ADGRL4: variants seen among roughly 807,000 people sequenced by gnomAD.
ADGRL4 encodes adhesion G protein-coupled receptor L4.
Under a neutral mutation model 74.8 loss-of-function variants are expected in ADGRL4, and 90 were observed. The observed-to-expected ratio is 1.20, with a 90% CI of 1.02 to 1.43. The LOEUF (loss-of-function observed/expected upper bound fraction) is 1.43, where lower values mean the gene tolerates loss of function less well. Ranked by LOEUF, ADGRL4 falls within the 40% of genes most tolerant of loss-of-function variation. ADGRL4 has a pLI of 0.00. For synonymous variants in ADGRL4, 311 were observed against 279.2 expected, an observed-to-expected ratio of 1.11 and a Z score of -1.14; for missense variants, 881 against 814.3, an observed-to-expected ratio of 1.08 and a Z score of -1.00.
chr1:78,945,177 A>AAAAAAAATAT lies in ADGRL4; in HGVS notation c.325+1096_325+1097insATATTTTTTT, dbSNP rs376405445. ...GAGACTCTGTCTCAAAAAAAAAAAA[A>AAAAAAAATAT]ATATATATATATATATATATCTCAA... On this transcript the variant is annotated intron_variant, in intron 3 of 14. Transcript: ENST00000370742. 7.3e-4 allele frequency among the ~76,000 whole-genome samples: 94 copies of AAAAAAAATAT among 127,934 alleles called. 1 individual carries two copies. The highest frequency in any genetic ancestry group is 2.7e-3 in the African/African-American group (91 of 34,148). The allele number at this position is 127,934 out of a possible 152,430, so 83.9% of individuals were successfully genotyped here.
intron 12 of ADGRL4, among the ~76,000 whole-genome samples, chr1:78,898,679 C>G (rs2100652970): frequency 6.6e-6 from 1 of 152,106 alleles, no homozygotes; most frequent in African/African-American, 2.4e-5. Context: ...AAAAGTCACT[C>G]AAAGTCATGA....
At chr1:78,951,874 C>T (rs1207529460) in intron 2 of ADGRL4, among the ~76,000 whole-genome samples, 2 of 152,022 alleles carry the variant, frequency 1.3e-5, no homozygotes, top group East Asian at 1.9e-4. Flanking sequence ...ACATAAAGAG[C>T]GAGCATATAA....
intron 7 of ADGRL4, 86 bp downstream of exon 7, chr1:78,936,209 C>T (rs1200545867): frequency 7.5e-7 from 1 of 1,329,770 alleles, no homozygotes; most frequent in Non-Finnish European, 1.0e-6. Flanking sequence ...CCACATGTTA[C>T]ATGTACATAT....
chr1:78,958,530 G>A (rs1649879157), intron 2 of ADGRL4, among the ~76,000 whole-genome samples: 1 of 152,198 alleles, frequency 6.6e-6, no homozygotes, highest in Middle Eastern at 3.4e-3. Context: ...CGGACGTGGT[G>A]GAAATATCAA....
chr1:78,971,096 T>C (rs1019819907), intron 2 of ADGRL4, among the ~76,000 whole-genome samples: 6 of 152,138 alleles, frequency 3.9e-5, no homozygotes, highest in Non-Finnish European at 5.9e-5. Flanking sequence ...CAAATGGTCA[T>C]GCAGTCATGT....
At position 78,931,396 on chromosome 1, in the gene ADGRL4, C is replaced by T. The variant is rs183846004; in HGVS notation, c.878-4305G>A. The stretch of plus-strand genomic sequence containing the variant: ...AAGCAAATGCTGAGGGATTTCGTCA[C>T]CACCAGTCCTGCCTTGCAAAAGCTC... On this transcript the variant is annotated intron_variant, in intron 7 of 14. Transcript: ENST00000370742. Among the ~76,000 whole-genome samples, 563 of 151,622 alleles carry T rather than the reference C, an allele frequency of 3.7e-3. 33 individuals carry two copies. The highest frequency in any genetic ancestry group is 0.013 in the African/African-American group (537 of 40,914).
intron 2 of ADGRL4, among the ~76,000 whole-genome samples, chr1:78,969,290 G>C (rs1570262220): frequency 6.6e-6 from 1 of 152,138 alleles, no homozygotes. Context: ...GAAACTCGTT[G>C]TTTTATCAAA....
chr1:78,919,568 C>A (rs971915414), intron 10 of ADGRL4, among the ~76,000 whole-genome samples: 1 of 151,838 alleles, frequency 6.6e-6, no homozygotes, highest in African/African-American at 2.4e-5. Context: ...CAGGATCATA[C>A]CTGAATCTTG....
At chr1:78,896,864 T>C (rs1648410140) in intron 12 of ADGRL4, among the ~76,000 whole-genome samples, 1 of 152,136 alleles carries the variant, frequency 6.6e-6, no homozygotes, top group Non-Finnish European at 1.5e-5. Context: ...GCGTTACTTC[T>C]CTATCTTTTG....
intron 2 of ADGRL4, among the ~76,000 whole-genome samples, chr1:78,965,235 C>A (rs1449198236): frequency 6.6e-6 from 1 of 151,904 alleles, no homozygotes; most frequent in Non-Finnish European, 1.5e-5. Flanking sequence ...ATAAATGTGA[C>A]CCAATAAAAC....
intron 2 of ADGRL4, among the ~76,000 whole-genome samples, chr1:78,991,238 T>C (rs957006004): frequency 2.0e-5 from 3 of 152,072 alleles, no homozygotes; most frequent in African/African-American, 4.8e-5. Flanking sequence ...TCTGATGTTA[T>C]ATACACAAAA....
At chr1:78,914,495 C>G (rs1244884123) in intron 12 of ADGRL4, among the ~76,000 whole-genome samples, 1 of 151,778 alleles carries the variant, frequency 6.6e-6, no homozygotes, top group Non-Finnish European at 1.5e-5. Context: ...TAGGTCATTG[C>G]TATCCCCAAA....
rs796668127 is a variant in ADGRL4, at chr1:79,001,154, A to AGAAG, written c.172+3912_172+3915dup. On this transcript the variant is annotated intron_variant, in intron 2 of 14. Coordinates refer to ENST00000370742, the MANE Select transcript of ADGRL4 (RefSeq NM_022159.4). Reference sequence around the variant, plus strand: ...AAGGAAGGGAAGGAGGAAGGAAGACAGAAGGAAGGAAGGAAGGGAGAGGGG... The same window carrying AGAAG: ...AAGGAAGGGAAGGAGGAAGGAAGACAGAAGGAAGGAAGGAAGGAAGGGAGAGGGG... Among the ~76,000 whole-genome samples, 367 of 96,104 alleles carry AGAAG rather than the reference A, an allele frequency of 3.8e-3. 2 individuals are homozygous for AGAAG. The highest frequency in any genetic ancestry group is 6.3e-3 in the Non-Finnish European group (308 of 48,810). 63.0% of individuals were successfully genotyped at this position (96,104 alleles called of 152,430 possible). A position where few individuals can be genotyped will look rare whatever the true frequency, so the allele number is the denominator to read the frequency against.
chr1:78,918,088 T>C (rs1347069181), intron 10 of ADGRL4, 38 bp from the exon 11 acceptor site: 2 of 1,515,116 alleles, frequency 1.3e-6, no homozygotes, highest in Non-Finnish European at 1.8e-6. Context: ...ATTGTCAGTG[T>C]TTGTTTTAAA....
intron 12 of ADGRL4, 89 bp from the exon 13 acceptor site, chr1:78,893,278 G>C (rs536276006): frequency 2.7e-5 from 22 of 801,180 alleles, no homozygotes; most frequent in Non-Finnish European, 4.2e-5. Flanking sequence ...ATTTCAATAA[G>C]ATAGAAACTA....
intron 1 of ADGRL4, among the ~76,000 whole-genome samples, chr1:79,006,115 T>C (rs1650957305): frequency 1.3e-5 from 2 of 152,234 alleles, no homozygotes; most frequent in African/African-American, 2.4e-5. Context: ...GAGGTCATTG[T>C]TCTGAAAACA....
intron 6 of ADGRL4, 127 bp from the exon 7 acceptor site, chr1:78,936,538 G>C (rs1288314469): frequency 6.9e-6 from 6 of 868,754 alleles, no homozygotes; most frequent in Non-Finnish European, 9.9e-6. Context: ...CAAGTAGAGT[G>C]AACATTCTTA....
chr1:78,893,707 A>G (rs183587577), intron 12 of ADGRL4, among the ~76,000 whole-genome samples: 113 of 152,030 alleles, frequency 7.4e-4, no homozygotes, highest in African/African-American at 2.7e-3. Context: ...CCTAATACAA[A>G]TGTTAATATT....
rs907039400 is a variant in ADGRL4 at position 78,954,973 on chromosome 1, G to A, written c.173-8547C>T. Among the ~76,000 whole-genome samples, 6 of 152,162 alleles carry A rather than the reference G, an allele frequency of 3.9e-5. No individual in the cohort carries two copies. The East Asian group carries it at 9.6e-4, about 24-fold the overall frequency. On this transcript the variant is annotated intron_variant, in intron 2 of 14. Transcript: ENST00000370742. ...CAGATAGGGGAAAAGTTTTTTCAAT[G>A]TAGTAATGGCTACTTAACAAAAACA...
Sources: gnomAD v4.1 joint callset for allele counts (sites outside exome capture counted in the v4.1 genomes callset) on GRCh38, gnomAD v4.1.1 for gene constraint, MANE v1.5 for transcripts, NCBI Gene and HGNC (gene_info 2026-07-23, HGNC 2026-07-21) for gene names.